The following LRRC4C variants were observed in gnomAD, a reference collection of about 807,000 sequenced individuals.
The protein encoded by LRRC4C is leucine rich repeat containing 4C, also known as leucine-rich repeat-containing protein 4C.
LRRC4C carries 5 observed loss-of-function variants against 33.6 expected under a neutral mutation model. The observed-to-expected ratio is 0.15, with a 90% CI of 0.08 to 0.31. The LOEUF (loss-of-function observed/expected upper bound fraction) is 0.31, where lower values mean the gene tolerates loss of function less well. LRRC4C is among the 10% of genes least tolerant of loss of function. LRRC4C has a pLI of 1.00. For synonymous variants in LRRC4C, 329 were observed against 302.0 expected (o/e 1.09, Z -0.93); for missense variants, 560 against 796.7 (o/e 0.70, Z 3.58).
At chr11:41,320,938 A>G (rs1170174516) in intron 1 of LRRC4C, among the ~76,000 whole-genome samples, 1 of 152,160 alleles carries the variant, frequency 6.6e-6, no homozygotes, top group Non-Finnish European at 1.5e-5. Flanking sequence ...TCTGAACTCC[A>G]AGAGGCTGCT....
chr11:40,596,817 G>A (rs1959373991), intron 3 of LRRC4C, among the ~76,000 whole-genome samples: 1 of 152,092 alleles, frequency 6.6e-6, no homozygotes, highest in Non-Finnish European at 1.5e-5. Context: ...AGAGATGTCT[G>A]CATTCCCATG....
At chr11:40,405,993 T>A (rs1027190837) in intron 3 of LRRC4C, among the ~76,000 whole-genome samples, 1 of 152,020 alleles carries the variant, frequency 6.6e-6, no homozygotes, top group Non-Finnish European at 1.5e-5. Flanking sequence ...CCATCTTGTT[T>A]GTGACACTGT....
chr11:41,302,280 TG>T (rs1950308765), intron 1 of LRRC4C, among the ~76,000 whole-genome samples: 1 of 152,218 alleles, frequency 6.6e-6, no homozygotes, highest in Non-Finnish European at 1.5e-5. Flanking sequence ...GTAACCTTAT[TG>T]AAGTGTTAAT....
intron 3 of LRRC4C, among the ~76,000 whole-genome samples, chr11:40,617,876 A>G (rs545381843): frequency 6.6e-6 from 1 of 151,792 alleles, no homozygotes; most frequent in Admixed American, 6.6e-5. Flanking sequence ...CTGGTTGACT[A>G]AGTGAAGAGT....
At chr11:41,223,632 T>C (rs1438620626) in intron 1 of LRRC4C, among the ~76,000 whole-genome samples, 2 of 152,206 alleles carry the variant, frequency 1.3e-5, no homozygotes. Context: ...GAAGGAGCTT[T>C]CTGCCTGCAG....
At chr11:40,519,150 T>C (rs1955697794) in intron 3 of LRRC4C, among the ~76,000 whole-genome samples, 1 of 152,010 alleles carries the variant, frequency 6.6e-6, no homozygotes, top group African/African-American at 2.4e-5. Flanking sequence ...GGTGATGGGT[T>C]GATGGGTGCA....
intron 2 of LRRC4C, among the ~76,000 whole-genome samples, chr11:40,767,153 GA>G (rs1949513824): frequency 6.6e-6 from 1 of 151,814 alleles, no homozygotes; most frequent in Non-Finnish European, 1.5e-5. Flanking sequence ...TATGCAAATG[GA>G]AGCCCCAAAA....
chr11:40,206,493 C>T (rs1001970230), intron 5 of LRRC4C, among the ~76,000 whole-genome samples: 6 of 152,128 alleles, frequency 3.9e-5, no homozygotes, highest in Admixed American at 6.5e-5. Flanking sequence ...CCACCTGCCT[C>T]GGCCTCCCAA....
intron 1 of LRRC4C, among the ~76,000 whole-genome samples, chr11:41,098,611 A>C (rs556487618): frequency 1.4e-4 from 22 of 152,186 alleles, no homozygotes; most frequent in Non-Finnish European, 2.6e-4. Context: ...AATAAAACTC[A>C]TTTTAAATCT....
chr11:41,316,262 C>CAAAAAAAAAAAAAGAAAAAAAAA (rs1950783715), intron 1 of LRRC4C, among the ~76,000 whole-genome samples: 1 of 78,014 alleles, frequency 1.3e-5, no homozygotes, highest in Non-Finnish European at 2.3e-5. Flanking sequence ...CTCTGGATGG[C>CAAAAAAAAAAAAAGAAAAAAAAA]AAAAAAAAAA....
intron 1 of LRRC4C, among the ~76,000 whole-genome samples, chr11:41,243,199 C>T (rs1415461608): frequency 6.6e-6 from 1 of 152,196 alleles, no homozygotes. Context: ...TCTTGACACA[C>T]AGCCACTTAG....
chr11:41,165,530 C>A (rs1192045442), intron 1 of LRRC4C, among the ~76,000 whole-genome samples: 2 of 152,036 alleles, frequency 1.3e-5, no homozygotes, highest in Non-Finnish European at 2.9e-5. Flanking sequence ...CTAATCTTAC[C>A]ACTTCAAGAC....
At chr11:40,717,467 T>C (rs567271683) in intron 2 of LRRC4C, among the ~76,000 whole-genome samples, 4 of 152,058 alleles carry the variant, frequency 2.6e-5, no homozygotes, top group African/African-American at 4.8e-5. Flanking sequence ...GTTTGAAGAG[T>C]GCAGAAATTA....
chr11:40,626,984 T>C lies in LRRC4C; in HGVS notation c.-270+21158A>G, dbSNP rs138740488. ...CTGCTTTCATTGAAGCCTCCTAGCT[T>C]TGCTACCAGTTAGAGTTCTTATTCT... On this transcript the variant is annotated intron_variant, in intron 3 of 6. Transcript: ENST00000528697. 5.4e-3 allele frequency among the ~76,000 whole-genome samples: 828 copies of C among 152,238 alleles called. 8 individuals are homozygous for C. Among genetic ancestry groups the C allele is most frequent in the Non-Finnish European group, 8.7e-3 (592 of 68,006 alleles).
Position 40,115,216 on chromosome 11 carries a change from G to T in LRRC4C, c.1077C>A (p.Pro359=). ...CTTCAGTGACATTGAGGTCTGCAGG[G>T]GGCTCCACAATCACCGGAGCATAGC... ...FTCYAPVIVE[P]PADLNVTEGM... is the part of the protein sequence containing the mutation. Residue 359 remains proline, a synonymous_variant, in exon 7 of 7, where the codon CCC becomes CCA. Coordinates refer to ENST00000528697, the MANE Select transcript of LRRC4C (RefSeq NM_001258419.2). This position sits in a 1 kb window ranked among gnomAD's most constrained non-coding sequence, Gnocchi z 6.7. The T allele has an allele frequency of 6.2e-7, 1 of 1,614,128 alleles. No homozygotes were observed. The highest frequency in any genetic ancestry group is 2.2e-5 in the East Asian group (1 of 44,864).
intron 2 of LRRC4C, among the ~76,000 whole-genome samples, chr11:40,720,011 GA>G (rs1422933920): frequency 1.3e-5 from 2 of 152,112 alleles, no homozygotes; most frequent in Non-Finnish European, 2.9e-5. Flanking sequence ...TGCCTTTGGT[GA>G]ATCTCCACCT....
intron 2 of LRRC4C, among the ~76,000 whole-genome samples, chr11:40,665,319 AAAAAAAAT>A (rs1472813375): frequency 2.0e-4 from 4 of 20,444 alleles, no homozygotes; most frequent in African/African-American, 5.1e-4. Context: ...AAAAAAAAAA[AAAAAAAAT>A]ATATATATAT....
At chr11:41,209,386 C>T (rs540926169) in intron 1 of LRRC4C, among the ~76,000 whole-genome samples, 39 of 151,720 alleles carry the variant, frequency 2.6e-4, no homozygotes, top group African/African-American at 8.7e-4. Flanking sequence ...CCAGTCTCAC[C>T]GTTGTATTTT....
intron 3 of LRRC4C, among the ~76,000 whole-genome samples, chr11:40,509,150 G>A (rs1181054338): frequency 1.3e-5 from 2 of 152,034 alleles, no homozygotes; most frequent in African/African-American, 2.4e-5. Flanking sequence ...TGATATAATA[G>A]CCAACAATAG....
Sources: allele counts gnomAD v4.1 joint callset (sites outside exome capture counted in the v4.1 genomes callset), GRCh38; gene constraint gnomAD v4.1.1; non-coding constraint Gnocchi (gnomAD v3.1); transcripts MANE v1.5; gene names NCBI Gene and HGNC (gene_info 2026-07-23, HGNC 2026-07-21).